The following CEP170 variants were observed in gnomAD, a reference collection of about 807,000 sequenced individuals.
CEP170 encodes the protein centrosomal protein of 170 kDa.
A neutral mutation model predicts 151.9 loss-of-function variants in CEP170; 21 were observed. The ratio of observed to expected loss-of-function variants is 0.14; its 90% CI spans 0.10 to 0.20. The LOEUF is 0.20. Ranked by LOEUF, CEP170 falls within the 10% of genes least tolerant of loss-of-function variation. CEP170 has a pLI of 1.00. For synonymous variants in CEP170, 356 were observed against 648.8 expected, an observed-to-expected ratio of 0.55 and a Z score of 6.86; for missense variants, 964 against 1,892.9, an observed-to-expected ratio of 0.51 and a Z score of 9.11.
At chr1:243,222,258 G>A (rs898027667) in intron 2 of CEP170, among the ~76,000 whole-genome samples, 1 of 152,026 alleles carries the variant, frequency 6.6e-6, no homozygotes, top group Non-Finnish European at 1.5e-5. Flanking sequence ...AGAGGAAAAG[G>A]GACACAATAT....
In CEP170 at chr1:243,156,323, C is replaced by T. The variant is rs563515185; in HGVS notation, c.3809G>A (p.Ser1270Asn). ...ACTAGTAGGCATTGCTGATCCAGCG[C>T]TCTGCAAGCGAGTGGTTTTCAGGGC... ...SPALKTTRLQ[S>N]AGSAMPTSSS... Residue 1270 changes from serine to asparagine, a missense_variant, in exon 14 of 20, where the codon AGC becomes AAC. Transcript: ENST00000366542. The T allele has an allele frequency of 4.6e-5, 73 of 1,589,458 alleles. No homozygotes were observed. Among genetic ancestry groups the T allele is most frequent in the Non-Finnish European group, 5.9e-5 (69 of 1,168,056 alleles).
intron 10 of CEP170, among the ~76,000 whole-genome samples, chr1:243,178,257 C>T (rs1410748418): frequency 7.6e-6 from 1 of 132,208 alleles, no homozygotes; most frequent in East Asian, 2.3e-4. Context: ...TAACGTGAGC[C>T]GAGATCACGC....
At chr1:243,136,372 A>G in intron 16 of CEP170, 141 bp from the exon 17 acceptor site, 1 of 1,023,880 alleles carries the variant, frequency 9.8e-7, no homozygotes, top group South Asian at 1.9e-5. Flanking sequence ...TGAAGAATAT[A>G]ATTAATATGT....
At chr1:243,147,673 T>C (rs2056654896) in intron 14 of CEP170, among the ~76,000 whole-genome samples, 1 of 152,212 alleles carries the variant, frequency 6.6e-6, no homozygotes, top group South Asian at 2.1e-4. Flanking sequence ...CTGTATCTTA[T>C]ACAGTGAATA....
intron 1 of CEP170, among the ~76,000 whole-genome samples, chr1:243,242,563 C>T (rs2064959013): frequency 6.6e-6 from 1 of 152,296 alleles, no homozygotes; most frequent in East Asian, 1.9e-4. Flanking sequence ...ACTAGACCTG[C>T]TTCTGCCAGA....
At chr1:243,188,843 C>G (rs980113546) in intron 8 of CEP170, among the ~76,000 whole-genome samples, 18 of 152,148 alleles carry the variant, frequency 1.2e-4, no homozygotes, top group Admixed American at 3.9e-4. Flanking sequence ...TAGAGTCTGG[C>G]TATATACTTT....
Position 243,166,057 on chromosome 1 carries a change from C to T in CEP170, c.1903G>A (p.Ala635Thr). ...VRSTGSATSL[A>T]SQGERRRRTL... ...CGTCTCCTTCTCTCTCCCTGGCTAG[C>T]CAAGGAAGTTGCAGAGCCAGTACTT... The change falls in exon 13 of 20, where the codon GCT becomes ACT. Residue 635 changes from alanine (A) to threonine (T), a missense_variant. Transcript: ENST00000366542. The T allele has an allele frequency of 6.2e-7, 1 of 1,612,268 alleles. No homozygotes were observed. The highest frequency in any genetic ancestry group is 1.1e-5 in the South Asian group (1 of 90,854).
At chr1:243,194,256 G>A (rs1456442519) in intron 7 of CEP170, among the ~76,000 whole-genome samples, 2 of 151,908 alleles carry the variant, frequency 1.3e-5, no homozygotes, top group Non-Finnish European at 2.9e-5. Context: ...AGTATATAGG[G>A]CAAACAGTCT....
chr1:243,221,640 G>T, intron 3 of CEP170, 84 bp downstream of exon 3: 1 of 1,331,134 alleles, frequency 7.5e-7, no homozygotes, highest in African/African-American at 1.5e-5. Context: ...AAAAGAAAAT[G>T]TAGCTAGGAA....
chr1:243,124,819 A>G lies in CEP170; in HGVS notation c.*1630T>C, dbSNP rs1335560597. 6.6e-6 allele frequency: 1 copy of G among 151,824 alleles called. No homozygotes were observed. The highest frequency in any genetic ancestry group is 1.9e-4 in the East Asian group (1 of 5,188). 9.4% of individuals were successfully genotyped at this position (151,824 alleles called of 1,614,324 possible). A position where few individuals can be genotyped will look rare whatever the true frequency, so the allele number is the denominator to read the frequency against. Reference sequence around the variant, plus strand: ...TTTATGTTCTTTAAAACCTTTTTTCAGTCTTCCTTTATTAGACAGAATGGG... The same window carrying G: ...TTTATGTTCTTTAAAACCTTTTTTCGGTCTTCCTTTATTAGACAGAATGGG... On this transcript the variant is annotated 3_prime_UTR_variant, in exon 20 of 20. Transcript: ENST00000366542.
chr1:243,182,837 T>A (rs2071927678), intron 10 of CEP170, among the ~76,000 whole-genome samples: 1 of 152,214 alleles, frequency 6.6e-6, no homozygotes, highest in Non-Finnish European at 1.5e-5. Context: ...GGCACTAGGT[T>A]CCTACAGTCA....
intron 12 of CEP170, among the ~76,000 whole-genome samples, chr1:243,166,865 T>C (rs1161796361): frequency 6.6e-6 from 1 of 152,144 alleles, no homozygotes; most frequent in African/African-American, 2.4e-5. Context: ...TTACCTCACG[T>C]ACTTATCTTT....
chr1:243,157,797 G>A (rs907371991), intron 13 of CEP170, among the ~76,000 whole-genome samples: 3 of 152,128 alleles, frequency 2.0e-5, no homozygotes, highest in African/African-American at 7.2e-5. Context: ...AAGAAACAGA[G>A]AACTCTACAA....
chr1:243,171,297 G>C (rs1030672354), intron 11 of CEP170, among the ~76,000 whole-genome samples: 2 of 152,016 alleles, frequency 1.3e-5, no homozygotes, highest in Non-Finnish European at 2.9e-5. Context: ...TACAGTAATT[G>C]CTTTGACAGT....
At chr1:243,218,151 C>T (rs1466866225) in intron 3 of CEP170, among the ~76,000 whole-genome samples, 1 of 152,232 alleles carries the variant, frequency 6.6e-6, no homozygotes, top group East Asian at 1.9e-4. Flanking sequence ...CTACAAAAGC[C>T]TCCTCTCCTT....
Position 243,245,791 on chromosome 1 carries a change from A to G in CEP170, c.-42+9249T>C, listed in dbSNP as rs544744248. Among the ~76,000 whole-genome samples, 21 of 152,032 alleles carry G rather than the reference A, an allele frequency of 1.4e-4. No individual in the cohort carries two copies. The South Asian group carries it at 4.4e-3, about 32-fold the overall frequency. The stretch of plus-strand genomic sequence containing the variant: ...AAACACAAAAAAGAAAAGAAAACAA[A>G]AAAACTTAGATGGGCATGGCAGCCC... On this transcript the variant is annotated intron_variant, in intron 1 of 19. Transcript: ENST00000366542.
At chr1:243,250,657 C>T (rs73116192) in intron 1 of CEP170, among the ~76,000 whole-genome samples, 11,019 of 152,218 alleles carry the variant, frequency 0.072, 1,302 homozygotes, top group African/African-American at 0.25. Flanking sequence ...GTTACTAACA[C>T]TATCATTTAA....
chr1:243,209,207 C>T (rs547649300), intron 4 of CEP170, among the ~76,000 whole-genome samples: 65 of 152,242 alleles, frequency 4.3e-4, no homozygotes, highest in African/African-American at 1.4e-3. Context: ...TTATTTTAGA[C>T]GGAGTCTTGC....
chr1:243,250,312 G>C (rs933634300), intron 1 of CEP170, among the ~76,000 whole-genome samples: 2 of 152,196 alleles, frequency 1.3e-5, no homozygotes, highest in African/African-American at 4.8e-5. Context: ...AGGAAGGAAA[G>C]CTAATCCCTT....
Sources: allele counts gnomAD v4.1 joint callset (sites outside exome capture counted in the v4.1 genomes callset), GRCh38; gene constraint gnomAD v4.1.1; transcripts MANE v1.5; gene names NCBI Gene and HGNC (gene_info 2026-07-23, HGNC 2026-07-21).